The following MGLL variants were observed in gnomAD, a reference collection of about 807,000 sequenced individuals.
MGLL encodes monoglyceride lipase.
A neutral mutation model predicts 29.1 loss-of-function variants in MGLL; 7 were observed. That is an observed-to-expected ratio of 0.24 (90% CI 0.14 to 0.45). The LOEUF is 0.45. MGLL is among the 20% of genes least tolerant of loss of function. MGLL has a pLI of 0.99. For synonymous variants in MGLL, 148 were observed against 168.3 expected (o/e 0.88, Z 0.93); for missense variants, 356 against 413.6 (o/e 0.86, Z 1.21).
At chr3:127,811,722 C>G (rs2077666160) in intron 2 of MGLL, among the ~76,000 whole-genome samples, 1 of 152,352 alleles carries the variant, frequency 6.6e-6, no homozygotes, top group South Asian at 2.1e-4. Context: ...ACCTTAATAA[C>G]AGATCCAGGC....
chr3:127,694,805 T>C (rs897578021), intron 7 of MGLL, among the ~76,000 whole-genome samples, 170 bp downstream of exon 7: 1 of 152,254 alleles, frequency 6.6e-6, no homozygotes, highest in East Asian at 1.9e-4. Flanking sequence ...TTGAAATTCA[T>C]AGGCTCCTGG....
intron 2 of MGLL, among the ~76,000 whole-genome samples, chr3:127,786,765 A>G (rs1167001638): frequency 6.6e-6 from 1 of 152,180 alleles, no homozygotes; most frequent in Non-Finnish European, 1.5e-5. Context: ...GACCTCAGAG[A>G]GCAATGTCGC....
chr3:127,770,317 C>A (rs1456471370), intron 3 of MGLL, among the ~76,000 whole-genome samples: 2 of 152,134 alleles, frequency 1.3e-5, no homozygotes, highest in Admixed American at 6.5e-5. Flanking sequence ...CCACTGTAAT[C>A]CCACTGTAAT....
intron 6 of MGLL, among the ~76,000 whole-genome samples, chr3:127,704,100 C>G (rs904840400): frequency 6.6e-6 from 1 of 152,182 alleles, no homozygotes; most frequent in Non-Finnish European, 1.5e-5. Context: ...TGATCTTTAA[C>G]AAACCTGATG....
chr3:127,737,444 G>A (rs2076260602), intron 3 of MGLL, among the ~76,000 whole-genome samples: 1 of 149,328 alleles, frequency 6.7e-6, no homozygotes, highest in African/African-American at 2.5e-5. Flanking sequence ...ATGATGGCTA[G>A]CACAGAGCGG....
chr3:127,776,693 C>A (rs1401092127), intron 3 of MGLL, among the ~76,000 whole-genome samples: 1 of 152,212 alleles, frequency 6.6e-6, no homozygotes. Flanking sequence ...CACTGCTGGA[C>A]CCTCTGCTCA....
chr3:127,726,288 AAGGAAGGGAGGG>A (rs1212081630), intron 3 of MGLL, among the ~76,000 whole-genome samples: 3 of 90,774 alleles, frequency 3.3e-5, no homozygotes, highest in Admixed American at 2.9e-4. Context: ...GAGAGGAAGG[AAGGAAGGGAGGG>A]AGGGAGGGAG....
intron 2 of MGLL, among the ~76,000 whole-genome samples, chr3:127,814,324 C>A (rs60171476): frequency 0.031 from 4,771 of 152,228 alleles, 250 homozygotes; most frequent in African/African-American, 0.11. Flanking sequence ...CTGACCACCG[C>A]AGCATCCCCA....
At chr3:127,795,167 A>G (rs539724979) in intron 2 of MGLL, among the ~76,000 whole-genome samples, 2 of 152,402 alleles carry the variant, frequency 1.3e-5, no homozygotes, top group South Asian at 4.1e-4. Flanking sequence ...AAGGTGGTAC[A>G]TATATGCAAT....
chr3:127,739,480 C>T (rs1474920766), intron 3 of MGLL, among the ~76,000 whole-genome samples: 4 of 152,298 alleles, frequency 2.6e-5, no homozygotes, highest in Admixed American at 6.5e-5. Context: ...AACTTGCCAA[C>T]GTGAACTGTA....
intron 7 of MGLL, among the ~76,000 whole-genome samples, chr3:127,692,763 G>A (rs550314138): frequency 6.6e-6 from 1 of 152,158 alleles, no homozygotes; most frequent in South Asian, 2.1e-4. Flanking sequence ...GCTGTGGCAG[G>A]GGACACTGTG....
chr3:127,806,392 T>C (rs1224173708), intron 2 of MGLL, among the ~76,000 whole-genome samples: 2 of 152,102 alleles, frequency 1.3e-5, no homozygotes, highest in Non-Finnish European at 2.9e-5. Flanking sequence ...TAAGTAAATG[T>C]GTGGATGGGT....
chr3:127,757,982 A>G (rs2076694297), intron 3 of MGLL, among the ~76,000 whole-genome samples: 1 of 152,180 alleles, frequency 6.6e-6, no homozygotes, highest in African/African-American at 2.4e-5. Context: ...TGTTTTATAG[A>G]GGAGAAAACT....
At chr3:127,797,522 T>A (rs1328769611) in intron 2 of MGLL, among the ~76,000 whole-genome samples, 1 of 152,204 alleles carries the variant, frequency 6.6e-6, no homozygotes, top group Non-Finnish European at 1.5e-5. Flanking sequence ...ATTCCTTATT[T>A]ATATGCCTAA....
intron 3 of MGLL, among the ~76,000 whole-genome samples, chr3:127,746,146 C>T (rs902548589): frequency 2.6e-5 from 4 of 152,108 alleles, no homozygotes; most frequent in Non-Finnish European, 5.9e-5. Context: ...CCTGTGAGAA[C>T]GCCTGGGATG....
At chr3:127,793,009 T>A (rs1576297687) in intron 2 of MGLL, among the ~76,000 whole-genome samples, 1 of 152,196 alleles carries the variant, frequency 6.6e-6, no homozygotes, top group Admixed American at 6.5e-5. Flanking sequence ...TGACTCAAAA[T>A]ATTTTTTCTT....
chr3:127,736,947 G>A (rs1398339815), intron 3 of MGLL, among the ~76,000 whole-genome samples: 3 of 152,140 alleles, frequency 2.0e-5, no homozygotes, highest in East Asian at 1.9e-4. Context: ...CACCTGCCTC[G>A]GCCTCCCAAA....
intron 3 of MGLL, among the ~76,000 whole-genome samples, chr3:127,755,183 C>T (rs1488053886): frequency 6.6e-6 from 1 of 152,090 alleles, no homozygotes; most frequent in Non-Finnish European, 1.5e-5. Flanking sequence ...GAAGATAAAA[C>T]CTGGATTCAA....
chr3:127,800,924 C>G (rs1398593044), intron 2 of MGLL, among the ~76,000 whole-genome samples: 2 of 151,854 alleles, frequency 1.3e-5, no homozygotes, highest in African/African-American at 4.8e-5. Flanking sequence ...GGTACCAGGC[C>G]AGCTTCAGAA....
Sources: gnomAD v4.1 joint callset for allele counts (sites outside exome capture counted in the v4.1 genomes callset) on GRCh38, gnomAD v4.1.1 for gene constraint, MANE v1.5 for transcripts, NCBI Gene and HGNC (gene_info 2026-07-23, HGNC 2026-07-21) for gene names.